WNK1: variants seen among roughly 807,000 people sequenced by gnomAD.
WNK1 encodes the protein serine/threonine-protein kinase WNK1.
Under a neutral mutation model 222.8 loss-of-function variants are expected in WNK1, and 38 were observed. That is an observed-to-expected ratio of 0.17 (90% CI 0.13 to 0.22). WNK1 has a LOEUF of 0.22. Ranked by LOEUF, WNK1 falls within the 10% of genes least tolerant of loss-of-function variation. The pLI is 1.00. For synonymous variants in WNK1, 1,090 were observed against 1,092.9 expected, an observed-to-expected ratio of 1.00 and a Z score of 0.05; for missense variants, 2,348 against 2,918.4, an observed-to-expected ratio of 0.80 and a Z score of 4.50.
intron 1 of WNK1, 37 bp downstream of exon 1, chr12:754,361 A>C: frequency 6.2e-7 from 1 of 1,612,880 alleles, no homozygotes; most frequent in Non-Finnish European, 8.5e-7. Flanking sequence ...GGTCCTTTGG[A>C]TCCCAAATTT....
At chr12:864,845 G>A (rs1344927356) in intron 8 of WNK1, among the ~76,000 whole-genome samples, 1 of 152,018 alleles carries the variant, frequency 6.6e-6, no homozygotes, top group Non-Finnish European at 1.5e-5. Flanking sequence ...TGTTATTTCA[G>A]AATATTTAGC....
chr12:882,122 C>T, intron 14 of WNK1, 49 bp downstream of exon 14: 1 of 1,547,870 alleles, frequency 6.5e-7, no homozygotes, highest in Non-Finnish European at 8.8e-7. Flanking sequence ...GAATTTGACA[C>T]TGAAAAAGAT....
chr12:837,199 G>A (rs1050670994), intron 4 of WNK1, among the ~76,000 whole-genome samples: 2 of 152,230 alleles, frequency 1.3e-5, no homozygotes, highest in Non-Finnish European at 2.9e-5. Flanking sequence ...GAAACCAGAT[G>A]TGAGGTACAG....
intron 1 of WNK1, among the ~76,000 whole-genome samples, chr12:798,927 T>C (rs1945606738): frequency 6.6e-6 from 1 of 152,190 alleles, no homozygotes; most frequent in South Asian, 2.1e-4. Flanking sequence ...TAGACCCTTG[T>C]AAATATGTTT....
intron 4 of WNK1, among the ~76,000 whole-genome samples, chr12:852,527 G>A (rs1371066115): frequency 1.3e-5 from 2 of 152,154 alleles, no homozygotes; most frequent in East Asian, 3.9e-4. Flanking sequence ...GTGAGTTGTT[G>A]GCTCTGGAGG....
intron 4 of WNK1, among the ~76,000 whole-genome samples, chr12:844,543 C>G (rs1199523646): frequency 5.9e-5 from 9 of 152,174 alleles, no homozygotes; most frequent in Non-Finnish European, 1.3e-4. Flanking sequence ...TCCTTAGTTT[C>G]TAAGGATGCC....
intron 3 of WNK1, among the ~76,000 whole-genome samples, chr12:829,679 A>G (rs1948645990): frequency 6.6e-6 from 1 of 152,212 alleles, no homozygotes; most frequent in South Asian, 2.1e-4. Flanking sequence ...TGTTTTCAAT[A>G]TGAATTATAT....
chr12:814,446 C>G lies in WNK1; in HGVS notation c.932+632C>G, dbSNP rs114920851. On this transcript the variant is annotated intron_variant, in intron 2 of 27. Coordinates refer to ENST00000315939, the MANE Select transcript of WNK1 (RefSeq NM_018979.4). The stretch of plus-strand genomic sequence containing the variant: ...TTTTTTTCATTTGTATTGTGCTTTG[C>G]TATATCCCTGCAACTTTTATATCAG... Among the ~76,000 whole-genome samples, 250 of 152,186 alleles carry G rather than the reference C, an allele frequency of 1.6e-3. 3 individuals are homozygous for G. The highest frequency in any genetic ancestry group is 5.9e-3 in the African/African-American group (247 of 41,544).
chr12:901,719 A>G lies in WNK1; in HGVS notation c.6643+1049A>G, dbSNP rs143928832. 27 of 933,548 alleles carry G rather than the reference A, an allele frequency of 2.9e-5. No homozygotes were observed. The Middle Eastern group carries it at 1.0e-3, about 35-fold the overall frequency. 57.8% of individuals were successfully genotyped at this position (933,548 alleles called of 1,614,324 possible). ...GCTGCTTGGATCTGATGTTTCACGC[A>G]GTCCATTTTCATTTGTCTCTTTTTG... On this transcript the variant is annotated intron_variant, in intron 26 of 27. Transcript: ENST00000315939.
chr12:836,805 T>G (rs1330584031), intron 4 of WNK1, among the ~76,000 whole-genome samples: 1 of 152,242 alleles, frequency 6.6e-6, no homozygotes, highest in African/African-American at 2.4e-5. Context: ...TATAGAATAT[T>G]TTGTGCTTAT....
At chr12:893,228 G>T (rs771988405) in intron 22 of WNK1, among the ~76,000 whole-genome samples, 1 of 152,126 alleles carries the variant, frequency 6.6e-6, no homozygotes, top group African/African-American at 2.4e-5. Flanking sequence ...CTGTACTCCA[G>T]CCTGGGTGAC....
chr12:773,182 C>T (rs1424448514), intron 1 of WNK1, among the ~76,000 whole-genome samples: 2 of 152,070 alleles, frequency 1.3e-5, no homozygotes, highest in African/African-American at 2.4e-5. Context: ...CGCTTGAACC[C>T]GGGAGGCGGA....
chr12:776,521 C>T (rs1329854984), intron 1 of WNK1, among the ~76,000 whole-genome samples: 1 of 151,370 alleles, frequency 6.6e-6, no homozygotes, highest in Non-Finnish European at 1.5e-5. Context: ...ACCTCCACCT[C>T]CCAGGTTCAA....
In WNK1 at chr12:753,978, C is replaced by T. The variant is rs1277355342; in HGVS notation, c.413C>T (p.Pro138Leu). The change falls in exon 1 of 28, where the codon CCA becomes CTA. Residue 138 changes from proline (P) to leucine (L), a missense_variant. Around this residue, in one of 13 missense-constraint regions of WNK1, gnomAD observed 185 missense variants for 159.2 expected, o/e 1.16. Transcript: ENST00000315939. The surrounding 1 kb of genome is among the most constrained non-coding windows in gnomAD (Gnocchi z 5.2). The stretch of plus-strand genomic sequence containing the variant: ...ACTTCCCAGGTAGCCCAGCAGCCTC[C>T]AGCCGCTGCCGCCCCTGGGGAACAG... ...TATSQVAQQPPAAAAPGEQAV... is the reference protein window; with the variant it reads ...TATSQVAQQPLAAAAPGEQAV... 5.6e-6 allele frequency: 9 copies of T among 1,594,344 alleles called. No homozygotes were observed. In the Admixed American group the frequency reaches 1.4e-4, roughly 25 times the overall value.
At chr12:894,994 G>A (rs1954613624) in intron 23 of WNK1, among the ~76,000 whole-genome samples, 1 of 151,882 alleles carries the variant, frequency 6.6e-6, no homozygotes, top group Non-Finnish European at 1.5e-5. Context: ...TCCAGTAATT[G>A]GTTTACCTAA....
At chr12:903,406 G>A (rs1380099265) in intron 26 of WNK1, among the ~76,000 whole-genome samples, 1 of 152,106 alleles carries the variant, frequency 6.6e-6, no homozygotes, top group Non-Finnish European at 1.5e-5. Flanking sequence ...AGTTGAATAA[G>A]CATTTAATTT....
At position 813,820 on chromosome 12, in the gene WNK1, T is replaced by G. The variant is rs1947101409; in HGVS notation, c.932+6T>G. 2 of 1,613,264 alleles carry G rather than the reference T, an allele frequency of 1.2e-6. No individual in the cohort carries two copies. Among genetic ancestry groups the G allele is most frequent in the Non-Finnish European group, 1.7e-6 (2 of 1,179,664 alleles). The stretch of plus-strand genomic sequence containing the variant: ...ACGTCTGGAACACTTAAAACGTAAG[T>G]TCATCAGTATTACAAAAGCTGACCA... On this transcript the variant is annotated splice_donor_region_variant and intron_variant, in intron 2 of 27. Transcript: ENST00000315939.
chr12:768,376 T>TCTGC (rs1942040800), intron 1 of WNK1, among the ~76,000 whole-genome samples: 1 of 152,196 alleles, frequency 6.6e-6, no homozygotes, highest in East Asian at 1.9e-4. Flanking sequence ...CTTCAAGTGA[T>TCTGC]CTGCCCGCCT....
intron 1 of WNK1, chr12:781,036 A>G (rs1943641714): frequency 6.5e-6 from 1 of 152,710 alleles, no homozygotes; most frequent in South Asian, 2.1e-4. Flanking sequence ...GCACACATAA[A>G]AAGAAGAAAG....
Sources: gnomAD v4.1 joint callset for allele counts (sites outside exome capture counted in the v4.1 genomes callset) on GRCh38, gnomAD v4.1.1 for gene constraint, gnomAD v4.1.1 regional missense constraint, Gnocchi (gnomAD v3.1) non-coding constraint, MANE v1.5 for transcripts, NCBI Gene and HGNC (gene_info 2026-07-23, HGNC 2026-07-21) for gene names.